Variants in NELL1 observed in about 807,000 individuals in gnomAD.
The protein encoded by NELL1 is neural EGFL like 1.
Under a neutral mutation model 107.4 loss-of-function variants are expected in NELL1, and 76 were observed. The ratio of observed to expected loss-of-function variants is 0.71; its 90% CI spans 0.59 to 0.86. The LOEUF is 0.86. NELL1 is among the 40% of genes least tolerant of loss of function. NELL1 has a pLI of 0.00. For missense variants in NELL1, 1,024 were observed against 1,005.5 expected, an observed-to-expected ratio of 1.02 and a Z score of -0.25; for synonymous variants, 353 against 341.2, an observed-to-expected ratio of 1.03 and a Z score of -0.38.
chr11:21,104,851 G>A (rs374792953), intron 12 of NELL1, among the ~76,000 whole-genome samples: 3 of 152,284 alleles, frequency 2.0e-5, no homozygotes, highest in South Asian at 2.1e-4. Flanking sequence ...TAGTCTGGGC[G>A]CCAGCATGGT....
At chr11:21,153,254 C>T (rs1193031078) in intron 13 of NELL1, among the ~76,000 whole-genome samples, 1 of 151,980 alleles carries the variant, frequency 6.6e-6, no homozygotes, top group Non-Finnish European at 1.5e-5. Context: ...GGTGGGCAGA[C>T]AGGCTTTCAG....
At chr11:20,794,641 T>C (rs1857135826) in intron 3 of NELL1, among the ~76,000 whole-genome samples, 1 of 152,076 alleles carries the variant, frequency 6.6e-6, no homozygotes, top group Non-Finnish European at 1.5e-5. Context: ...GTGCTTGGCA[T>C]ACAAAAGAAA....
intron 13 of NELL1, among the ~76,000 whole-genome samples, chr11:21,201,194 A>G (rs1201960479): frequency 1.3e-5 from 2 of 152,154 alleles, no homozygotes; most frequent in African/African-American, 4.8e-5. Context: ...TGATGGGGAT[A>G]GCACTGAATC....
rs142301362 is a variant in NELL1 at position 20,771,037 on chromosome 11, C to T, written c.185-12643C>T. 1,020 of 148,898 alleles carry T rather than the reference C, an allele frequency of 6.9e-3. 10 individuals carry two copies. The highest frequency in any genetic ancestry group is 0.011 in the Non-Finnish European group (718 of 67,096). 9.2% of individuals were successfully genotyped at this position (148,898 alleles called of 1,614,324 possible). A position where few individuals can be genotyped will look rare whatever the true frequency, so the allele number is the denominator to read the frequency against. ...GCTTCCCCCCGGCTCTCTCCTTGGG[C>T]TCAACTGGAGAGAAGAAATTACATA... On this transcript the variant is annotated intron_variant, in intron 2 of 19. Transcript: ENST00000357134.
At chr11:20,878,889 C>T (rs1043042863) in intron 4 of NELL1, among the ~76,000 whole-genome samples, 8 of 152,122 alleles carry the variant, frequency 5.3e-5, no homozygotes, top group East Asian at 1.9e-4. Context: ...AAAAGACAGA[C>T]GAGGCTCCTT....
chr11:20,856,603 G>A (rs1322487893), intron 4 of NELL1, among the ~76,000 whole-genome samples: 1 of 152,216 alleles, frequency 6.6e-6, no homozygotes, highest in Non-Finnish European at 1.5e-5. Context: ...TATATCCTCA[G>A]CAAAGCAGTT....
chr11:21,244,374 T>A (rs573890501), intron 14 of NELL1, among the ~76,000 whole-genome samples: 25 of 152,108 alleles, frequency 1.6e-4, no homozygotes, highest in Non-Finnish European at 2.9e-4. Flanking sequence ...GAAGAGCCCA[T>A]GCATTCTTGA....
intron 2 of NELL1, among the ~76,000 whole-genome samples, chr11:20,766,754 T>G (rs998592866): frequency 7.2e-5 from 11 of 151,910 alleles, no homozygotes; most frequent in Admixed American, 1.3e-4. Flanking sequence ...TTTTTTTTTT[T>G]TTGTTTCAGA....
intron 14 of NELL1, among the ~76,000 whole-genome samples, chr11:21,321,941 T>G (rs184101207): frequency 6.6e-6 from 1 of 152,358 alleles, no homozygotes; most frequent in African/African-American, 2.4e-5. Flanking sequence ...TATACTCTAT[T>G]GTTTCTAAAC....
chr11:21,482,988 AT>A (rs571923779), intron 15 of NELL1, among the ~76,000 whole-genome samples: 18 of 149,950 alleles, frequency 1.2e-4, no homozygotes, highest in South Asian at 1.1e-3. Flanking sequence ...GGCCTCTATA[AT>A]TTTTTTTTTC....
At chr11:20,937,464 T>G (rs1308100435) in intron 9 of NELL1, among the ~76,000 whole-genome samples, 1 of 152,236 alleles carries the variant, frequency 6.6e-6, no homozygotes, top group African/African-American at 2.4e-5. Flanking sequence ...CTAACTGTAC[T>G]CCACAGCGAT....
intron 14 of NELL1, among the ~76,000 whole-genome samples, chr11:21,322,748 C>A (rs1565167281): frequency 1.3e-5 from 2 of 151,996 alleles, no homozygotes; most frequent in East Asian, 3.9e-4. Context: ...CAAGGTCAAG[C>A]CATGTTTGCC....
chr11:20,903,664 T>G (rs375197533), intron 5 of NELL1, among the ~76,000 whole-genome samples: 10 of 152,230 alleles, frequency 6.6e-5, no homozygotes, highest in African/African-American at 2.4e-4. Context: ...TTAGATTAGT[T>G]GTTCTCTAAC....
intron 15 of NELL1, among the ~76,000 whole-genome samples, chr11:21,447,843 C>T (rs560882004): frequency 3.7e-4 from 56 of 152,266 alleles, no homozygotes; most frequent in African/African-American, 1.3e-3. Context: ...CTAGACAGCA[C>T]ATCAAGTATA....
intron 3 of NELL1, among the ~76,000 whole-genome samples, chr11:20,834,769 G>T (rs1441400329): frequency 6.6e-6 from 1 of 151,958 alleles, no homozygotes; most frequent in Non-Finnish European, 1.5e-5. Context: ...AGGGTCCATA[G>T]AGCCACTGAT....
chr11:20,910,459 T>G (rs146878104), intron 5 of NELL1, among the ~76,000 whole-genome samples: 25 of 152,252 alleles, frequency 1.6e-4, no homozygotes, highest in African/African-American at 5.8e-4. Flanking sequence ...ACTTTCCAAC[T>G]GAAACATCTC....
chr11:20,843,431 T>A (rs1466978945), intron 3 of NELL1, among the ~76,000 whole-genome samples: 1 of 151,732 alleles, frequency 6.6e-6, no homozygotes, highest in Non-Finnish European at 1.5e-5. Context: ...TGTTTTACCT[T>A]TACTTGTGAT....
At chr11:21,145,553 A>G (rs905502537) in intron 13 of NELL1, among the ~76,000 whole-genome samples, 3 of 152,372 alleles carry the variant, frequency 2.0e-5, no homozygotes, top group Admixed American at 6.5e-5. Flanking sequence ...CTTTGGATTT[A>G]GGATACATAG....
chr11:20,752,522 C>A (rs11821051), intron 2 of NELL1, among the ~76,000 whole-genome samples: 2,392 of 152,212 alleles, frequency 0.016, 58 homozygotes, highest in African/African-American at 0.055. Flanking sequence ...GCACTCCAGC[C>A]TCAGCAACAA....
Sources: allele counts gnomAD v4.1 joint callset (sites outside exome capture counted in the v4.1 genomes callset), GRCh38; gene constraint gnomAD v4.1.1; transcripts MANE v1.5; gene names NCBI Gene and HGNC (gene_info 2026-07-23, HGNC 2026-07-21).